Variants in RBFOX2 observed in about 807,000 individuals in gnomAD.
The protein encoded by RBFOX2 is RNA binding protein fox-1 homolog 2.
A neutral mutation model predicts 49.1 loss-of-function variants in RBFOX2; 10 were observed. The ratio of observed to expected loss-of-function variants is 0.20; its 90% CI spans 0.13 to 0.35. RBFOX2 has a LOEUF of 0.35. Among genes scored for constraint, RBFOX2 ranks in the 10% least tolerant of loss-of-function variants. The pLI is 1.00. For missense variants in RBFOX2, 323 were observed against 486.9 expected (o/e 0.66, Z 3.17); for synonymous variants, 183 against 187.4 (o/e 0.98, Z 0.19).
At chr22:35,905,244 G>A (rs1161096745) in intron 1 of RBFOX2, among the ~76,000 whole-genome samples, 1 of 152,092 alleles carries the variant, frequency 6.6e-6, no homozygotes, top group South Asian at 2.1e-4. Context: ...TATTATGTTA[G>A]AGGCAGCCAA....
upstream of RBFOX2, among the ~76,000 whole-genome samples, chr22:35,963,132 C>T (rs1473519907): frequency 6.7e-6 from 1 of 149,332 alleles, no homozygotes; most frequent in Non-Finnish European, 1.5e-5. Context: ...TCATCTACCC[C>T]ACAGAAAACT....
upstream of RBFOX2, among the ~76,000 whole-genome samples, chr22:35,964,136 T>C (rs915532760): frequency 3.9e-5 from 6 of 152,214 alleles, no homozygotes; most frequent in African/African-American, 1.2e-4. Flanking sequence ...TATTTCATTT[T>C]TTTTAAAAAG....
At chr22:35,888,804 A>G (rs988519737) in intron 1 of RBFOX2, among the ~76,000 whole-genome samples, 11 of 152,098 alleles carry the variant, frequency 7.2e-5, no homozygotes, top group African/African-American at 2.7e-4. Flanking sequence ...TTGATTTCCT[A>G]ATGTCCTGGT....
intron 1 of RBFOX2, among the ~76,000 whole-genome samples, chr22:35,951,264 T>G (rs2054895615): frequency 7.6e-6 from 1 of 131,384 alleles, no homozygotes; most frequent in Admixed American, 7.7e-5. Context: ...TTTTTTTTTT[T>G]GAGACGGAGT....
intron 1 of RBFOX2, among the ~76,000 whole-genome samples, chr22:35,978,292 C>A (rs2057294271): frequency 6.6e-6 from 1 of 151,976 alleles, no homozygotes; most frequent in Non-Finnish European, 1.5e-5. Context: ...AACACACACA[C>A]AAACATCATG....
intron 1 of RBFOX2, among the ~76,000 whole-genome samples, chr22:36,011,345 AT>A (rs1202093531): frequency 4.6e-5 from 7 of 152,172 alleles, no homozygotes. Flanking sequence ...TAGGTCTCCA[AT>A]CCTGGGATTT....
At chr22:35,883,220 G>C (rs1188068317) in intron 1 of RBFOX2, among the ~76,000 whole-genome samples, 3 of 152,302 alleles carry the variant, frequency 2.0e-5, no homozygotes, top group Admixed American at 2.0e-4. Flanking sequence ...TGCTAGGGGT[G>C]TCCGACAGCC....
chr22:35,955,934 G>A (rs2055501692), intron 1 of RBFOX2, among the ~76,000 whole-genome samples: 3 of 152,182 alleles, frequency 2.0e-5, no homozygotes, highest in South Asian at 2.1e-4. Flanking sequence ...TATTTTAATA[G>A]CCTTTTCGCC....
chr22:36,014,815 C>CA (rs1569523454), intron 1 of RBFOX2, among the ~76,000 whole-genome samples: 1 of 152,140 alleles, frequency 6.6e-6, no homozygotes, highest in Non-Finnish European at 1.5e-5. Flanking sequence ...ATACAGCTGA[C>CA]AAAAATCACT....
At position 35,825,981 on chromosome 22, in the gene RBFOX2, C is replaced by CAAA. The variant is rs901630936; in HGVS notation, c.27+14208_27+14210dup. On this transcript the variant is annotated intron_variant, in intron 1 of 11. Transcript: ENST00000405409. Reference sequence around the variant, plus strand: ...TGGGCAAGACAGTGAGACTCCGCTTCAAAAAAAAAAAAAAAAAAAAAAGGA... The same window carrying CAAA: ...TGGGCAAGACAGTGAGACTCCGCTTCAAAAAAAAAAAAAAAAAAAAAAAAAGGA... 3.4e-3 allele frequency among the ~76,000 whole-genome samples: 136 copies of CAAA among 39,768 alleles called. 3 individuals are homozygous for CAAA. The highest frequency in any genetic ancestry group is 0.014 in the African/African-American group (128 of 9,130). The allele number at this position is 39,768 out of a possible 152,430, so 26.1% of individuals were successfully genotyped here. A position where few individuals can be genotyped will look rare whatever the true frequency, so the allele number is the denominator to read the frequency against.
intron 1 of RBFOX2, among the ~76,000 whole-genome samples, chr22:35,979,017 G>A (rs2150051448): frequency 6.6e-6 from 1 of 152,256 alleles, no homozygotes; most frequent in East Asian, 1.9e-4. Context: ...GAGAAACCTG[G>A]CAGACATCAG....
chr22:35,875,691 A>G (rs542107272), intron 1 of RBFOX2, among the ~76,000 whole-genome samples: 8 of 150,432 alleles, frequency 5.3e-5, no homozygotes, highest in Non-Finnish European at 1.0e-4. Flanking sequence ...TGGTAAATAT[A>G]CAGACTACCC....
chr22:35,944,402 T>C (rs1416700027), intron 1 of RBFOX2, among the ~76,000 whole-genome samples: 2 of 152,096 alleles, frequency 1.3e-5, no homozygotes, highest in Non-Finnish European at 2.9e-5. Context: ...CAATATATTT[T>C]CCCAGAAAGA....
chr22:35,846,115 AACT>A (rs2041152849), intron 1 of RBFOX2, among the ~76,000 whole-genome samples: 2 of 150,428 alleles, frequency 1.3e-5, no homozygotes, highest in Admixed American at 1.3e-4. Context: ...TAATTACATA[AACT>A]ATATAAGTAT....
In RBFOX2 at chr22:35,809,761, C is replaced by T. The variant is rs1283516261; in HGVS notation, c.252+19G>A. 6.2e-7 allele frequency: 1 copy of T among 1,605,506 alleles called. No individual in the cohort carries two copies. Among genetic ancestry groups the T allele is most frequent in the South Asian group, 1.1e-5 (1 of 90,534 alleles). ...GATTGCCATGCATCCTTCCATTTTT[C>T]ACCTCATGGTCCACGTACCGTAAGA... On this transcript the variant is annotated intron_variant, in intron 2 of 11. Coordinates refer to ENST00000405409, the Ensembl canonical transcript of RBFOX2.
chr22:35,741,264 G>C (rs959927387), exon 12 of RBFOX2: 1 of 152,226 alleles, frequency 6.6e-6, no homozygotes, highest in African/African-American at 2.4e-5. Flanking sequence ...CAAGAGTACA[G>C]AAAGTCCAGG....
chr22:35,739,888 G>A (rs1373668476), exon 12 of RBFOX2: 1 of 152,628 alleles, frequency 6.6e-6, no homozygotes. Flanking sequence ...TGGCTGATGA[G>A]CAGTTCTCTC....
At chr22:35,842,336 G>C (rs2040613563), upstream of RBFOX2, among the ~76,000 whole-genome samples, 1 of 152,154 alleles carries the variant, frequency 6.6e-6, no homozygotes, top group Non-Finnish European at 1.5e-5. Context: ...AAGTAATATA[G>C]ATAAGTACTA....
At chr22:35,938,112 C>A (rs1350079666) in intron 1 of RBFOX2, among the ~76,000 whole-genome samples, 3 of 152,174 alleles carry the variant, frequency 2.0e-5, no homozygotes, top group Non-Finnish European at 4.4e-5. Flanking sequence ...TATCCCCAAA[C>A]ATCAAAGATA....
Sources: allele counts gnomAD v4.1 joint callset (sites outside exome capture counted in the v4.1 genomes callset), GRCh38; gene constraint gnomAD v4.1.1; transcripts MANE v1.5; gene names NCBI Gene and HGNC (gene_info 2026-07-23, HGNC 2026-07-21).